ADAMTSL1: variants seen among roughly 807,000 people sequenced by gnomAD.
ADAMTSL1 encodes the protein ADAMTS like 1, also known as ADAMTS-like protein 1.
Under a neutral mutation model 201.8 loss-of-function variants are expected in ADAMTSL1, and 126 were observed. The observed-to-expected ratio is 0.62, with a 90% CI of 0.54 to 0.72. The LOEUF (loss-of-function observed/expected upper bound fraction) is 0.72, where lower values mean the gene tolerates loss of function less well. ADAMTSL1 is among the 30% of genes least tolerant of loss of function. The pLI, the probability that ADAMTSL1 is intolerant of heterozygous loss-of-function variation, is 0.00. For synonymous variants in ADAMTSL1, 1,121 were observed against 903.4 expected, an observed-to-expected ratio of 1.24 and a Z score of -4.32; for missense variants, 2,679 against 2,277.8, an observed-to-expected ratio of 1.18 and a Z score of -3.59.
chr9:18,613,656 T>C (rs559792655), intron 4 of ADAMTSL1, among the ~76,000 whole-genome samples: 35 of 152,244 alleles, frequency 2.3e-4, no homozygotes, highest in African/African-American at 8.4e-4. Context: ...CTGCATGTTA[T>C]CACTTATAAG....
chr9:18,034,055 T>C (rs546281808), intron 1 of ADAMTSL1, among the ~76,000 whole-genome samples: 21 of 152,252 alleles, frequency 1.4e-4, no homozygotes, highest in African/African-American at 5.1e-4. Flanking sequence ...GTTCTTTCTA[T>C]TGTTCTATGT....
chr9:18,157,470 A>G (rs1330602621), intron 1 of ADAMTSL1, among the ~76,000 whole-genome samples: 1 of 151,898 alleles, frequency 6.6e-6, no homozygotes, highest in East Asian at 1.9e-4. Context: ...ACATTCTGGG[A>G]CAGATCTTTA....
intron 4 of ADAMTSL1, among the ~76,000 whole-genome samples, chr9:18,576,992 C>T (rs534017649): frequency 2.0e-5 from 3 of 152,108 alleles, no homozygotes; most frequent in South Asian, 2.1e-4. Flanking sequence ...TATACAGAGG[C>T]GCAGACCATT....
At chr9:18,413,623 A>G (rs1178252770) in intron 2 of ADAMTSL1, among the ~76,000 whole-genome samples, 1 of 152,256 alleles carries the variant, frequency 6.6e-6, no homozygotes, top group Non-Finnish European at 1.5e-5. Flanking sequence ...ATCTCAGCAC[A>G]TCTGGTACAG....
chr9:18,291,847 T>G (rs10511644), intron 2 of ADAMTSL1, among the ~76,000 whole-genome samples: 7,057 of 151,370 alleles, frequency 0.047, 254 homozygotes, highest in Non-Finnish European at 0.075. Context: ...CTCTAGACAC[T>G]AAGAATGCCG....
chr9:18,767,749 T>C (rs910247321), intron 16 of ADAMTSL1, among the ~76,000 whole-genome samples: 10 of 152,198 alleles, frequency 6.6e-5, no homozygotes, highest in African/African-American at 2.2e-4. Context: ...AATGTCTTAT[T>C]GAATTGCTAC....
intron 16 of ADAMTSL1, among the ~76,000 whole-genome samples, chr9:18,762,527 T>G (rs1187390065): frequency 6.6e-6 from 1 of 151,854 alleles, no homozygotes; most frequent in Non-Finnish European, 1.5e-5. Context: ...TCTTTTTAAG[T>G]TTTTTTTAAT....
intron 1 of ADAMTSL1, among the ~76,000 whole-genome samples, chr9:18,142,229 C>T (rs1031770817): frequency 2.6e-5 from 4 of 152,064 alleles, no homozygotes; most frequent in African/African-American, 9.7e-5. Flanking sequence ...TCTGTTGTTC[C>T]ATGCTCCACA....
rs186529528 is a variant in ADAMTSL1, at chr9:18,033,130, G to A, written c.87+126208G>A. Among the ~76,000 whole-genome samples the A allele has an allele frequency of 3.5e-3, 535 of 152,112 alleles. 3 individuals carry two copies. The highest frequency in any genetic ancestry group is 4.8e-3 in the Non-Finnish European group (328 of 68,012). On this transcript the variant is annotated intron_variant, in intron 1 of 29. Transcript: ENST00000680146. ...ACTTCCTTATTTCTGACCTCATAGC[G>A]TGTGATAAATAGGTCTCTTCATTCT... is the stretch of plus-strand genomic sequence containing the variant.
intron 2 of ADAMTSL1, among the ~76,000 whole-genome samples, chr9:18,468,406 C>G (rs978839992): frequency 8.5e-5 from 13 of 152,102 alleles, no homozygotes; most frequent in African/African-American, 3.1e-4. Context: ...TTCATTAAAT[C>G]TTTCAAATGC....
chr9:18,266,616 C>G (rs1297061234), intron 2 of ADAMTSL1, among the ~76,000 whole-genome samples: 1 of 152,082 alleles, frequency 6.6e-6, no homozygotes, highest in Non-Finnish European at 1.5e-5. Flanking sequence ...AAATATAAAG[C>G]CAGAACAAAT....
At chr9:18,526,481 A>G (rs942130962) in intron 2 of ADAMTSL1, among the ~76,000 whole-genome samples, 24 of 152,172 alleles carry the variant, frequency 1.6e-4, no homozygotes, top group Non-Finnish European at 2.5e-4. Flanking sequence ...TCCTGTCATT[A>G]TGATGTTAGC....
At chr9:18,033,923 C>A (rs1044711915) in intron 1 of ADAMTSL1, among the ~76,000 whole-genome samples, 9 of 152,166 alleles carry the variant, frequency 5.9e-5, no homozygotes, top group African/African-American at 2.2e-4. Flanking sequence ...TACATTATCA[C>A]AATAAAGTCC....
chr9:18,778,664 A>C (rs534584232), intron 19 of ADAMTSL1, among the ~76,000 whole-genome samples: 29 of 152,180 alleles, frequency 1.9e-4, no homozygotes, highest in Admixed American at 9.2e-4. Context: ...GGTTGTCATT[A>C]ATTGATTAGT....
At position 18,504,872 on chromosome 9, in the gene ADAMTSL1, G is replaced by A. The variant is rs1291004086; in HGVS notation, c.107G>A (p.Trp36Ter). ...TCCGAGGAGGACCGGGACGGCCTAT[G>A]GGATGCCTGGGGCCCATGGAGTGAA... ...ARSEEDRDGL[W>*]DAWGPWSECS... Residue 36 changes from tryptophan to a stop codon, truncating the protein, a stop_gained, in exon 2 of 29, where the codon TGG becomes TAG. Coordinates refer to ENST00000380548, the MANE Select transcript of ADAMTSL1 (RefSeq NM_001040272.6). LOFTEE classifies it high-confidence loss of function. The A allele has an allele frequency of 1.9e-6, 3 of 1,613,780 alleles. No homozygotes were observed. The highest frequency in any genetic ancestry group is 3.3e-5 in the Admixed American group (2 of 59,954).
intron 1 of ADAMTSL1, among the ~76,000 whole-genome samples, chr9:18,033,269 A>C (rs946254560): frequency 6.6e-6 from 1 of 152,196 alleles, no homozygotes; most frequent in African/African-American, 2.4e-5. Context: ...TTCCAAAGAA[A>C]TAAGTCTGTC....
intron 1 of ADAMTSL1, among the ~76,000 whole-genome samples, chr9:17,937,393 C>A (rs13287394): frequency 6.6e-6 from 1 of 151,752 alleles, no homozygotes; most frequent in East Asian, 1.9e-4. Context: ...TCACTGCACA[C>A]GTTCTCTCTG....
At chr9:17,974,029 T>C (rs931654249) in intron 1 of ADAMTSL1, among the ~76,000 whole-genome samples, 3 of 152,082 alleles carry the variant, frequency 2.0e-5, no homozygotes, top group African/African-American at 7.2e-5. Context: ...TCCTGAGACT[T>C]CGACAAAATT....
chr9:18,130,231 A>C (rs10738502), intron 1 of ADAMTSL1, among the ~76,000 whole-genome samples: 69,915 of 151,566 alleles, frequency 0.46, 16,969 homozygotes, highest in Non-Finnish European at 0.54. Flanking sequence ...CGCATTAGTC[A>C]TTGCGGGAAG....
Sources: gnomAD v4.1 joint callset for allele counts (sites outside exome capture counted in the v4.1 genomes callset) on GRCh38, gnomAD v4.1.1 for gene constraint, MANE v1.5 for transcripts, NCBI Gene and HGNC (gene_info 2026-07-23, HGNC 2026-07-21) for gene names.